The following C14orf132 variants were observed in gnomAD, a reference collection of about 807,000 sequenced individuals.
C14orf132 encodes the protein uncharacterized protein C14orf132.
Under a neutral mutation model 5.8 loss-of-function variants are expected in C14orf132, and 6 were observed. That is an observed-to-expected ratio of 1.03 (90% CI 0.57 to 2.04). The LOEUF is 2.04. Ranked by LOEUF, C14orf132 falls within the 30% of genes most tolerant of loss-of-function variation. The probability of loss-of-function intolerance (pLI) is 0.00; values close to 1 mark genes in which losing one functional copy is unlikely to be tolerated. For missense variants in C14orf132, 125 were observed against 115.8 expected (o/e 1.08, Z -0.37); for synonymous variants, 51 against 49.8 (o/e 1.02, Z -0.10).
intron 1 of C14orf132, among the ~76,000 whole-genome samples, chr14:96,077,429 G>T (rs921600515): frequency 6.6e-6 from 1 of 152,138 alleles, no homozygotes; most frequent in African/African-American, 2.4e-5. Flanking sequence ...TTAAAATGAG[G>T]TCACTAGGAT....
chr14:96,073,814 TA>T (rs893283200), intron 1 of C14orf132, among the ~76,000 whole-genome samples: 5 of 152,012 alleles, frequency 3.3e-5, no homozygotes, highest in African/African-American at 4.8e-5. Context: ...ATAGACTGGA[TA>T]AAAAAATGTG....
rs1378134146 is a variant in C14orf132, at chr14:96,091,631, C to G, written c.*4896C>G. On this transcript the variant is annotated 3_prime_UTR_variant, in exon 2 of 2. Coordinates refer to ENST00000555004, the MANE Select transcript of C14orf132 (RefSeq NM_001252507.3). ...TCCCCGAGCAAGTGCCAGGGTTGGG[C>G]TGAGCTGCTATGACAGGGAGGCCCA... is the stretch of plus-strand genomic sequence containing the variant. 6.5e-6 allele frequency: 1 copy of G among 154,440 alleles called. No individual in the cohort carries two copies. Among genetic ancestry groups the G allele is most frequent in the African/African-American group, 2.4e-5 (1 of 41,482 alleles). The allele number at this position is 154,440 out of a possible 1,614,324, so 9.6% of individuals were successfully genotyped here. A position where few individuals can be genotyped will look rare whatever the true frequency, so the allele number is the denominator to read the frequency against.
intron 1 of C14orf132, among the ~76,000 whole-genome samples, chr14:96,056,980 G>T (rs998037072): frequency 3.9e-5 from 6 of 152,184 alleles, no homozygotes; most frequent in Non-Finnish European, 7.3e-5. Flanking sequence ...TGGCCTCAAA[G>T]TATGCTCCAT....
intron 1 of C14orf132, among the ~76,000 whole-genome samples, chr14:96,054,689 T>A (rs908082961): frequency 6.6e-6 from 1 of 152,358 alleles, no homozygotes; most frequent in Middle Eastern, 3.4e-3. Context: ...ATCCCTTTTT[T>A]TGGGCTAAAT....
chr14:96,051,697 C>T (rs1440025580), intron 1 of C14orf132, among the ~76,000 whole-genome samples: 1 of 152,204 alleles, frequency 6.6e-6, no homozygotes, highest in Non-Finnish European at 1.5e-5. Context: ...TCTCTGACCT[C>T]CTGCCAATCC....
At chr14:96,056,881 A>G (rs894397413) in intron 1 of C14orf132, among the ~76,000 whole-genome samples, 1 of 152,168 alleles carries the variant, frequency 6.6e-6, no homozygotes, top group African/African-American at 2.4e-5. Flanking sequence ...GATGTATGGC[A>G]AAAACACTGG....
intron 1 of C14orf132, among the ~76,000 whole-genome samples, chr14:96,054,694 C>T (rs1371875720): frequency 6.6e-6 from 1 of 152,168 alleles, no homozygotes; most frequent in Non-Finnish European, 1.5e-5. Context: ...TTTTTTTGGG[C>T]TAAATGTAGC....
intron 1 of C14orf132, among the ~76,000 whole-genome samples, chr14:96,047,114 G>T (rs2139643833): frequency 6.6e-6 from 1 of 152,218 alleles, no homozygotes; most frequent in Non-Finnish European, 1.5e-5. Flanking sequence ...TTATCTTAGG[G>T]CTTGTCTGGT....
At chr14:96,057,874 C>G (rs760606992) in intron 1 of C14orf132, among the ~76,000 whole-genome samples, 1 of 152,166 alleles carries the variant, frequency 6.6e-6, no homozygotes, top group Non-Finnish European at 1.5e-5. Context: ...AATTCCTTCA[C>G]GTCTCTTGGT....
Position 96,070,610 on chromosome 14 carries a change from A to T in C14orf132, c.28-15901A>T, listed in dbSNP as rs1414662691. On this transcript the variant is annotated intron_variant, in intron 1 of 1. Coordinates refer to ENST00000555004, the MANE Select transcript of C14orf132 (RefSeq NM_001252507.3). ...CTCTCTCTCTCTCACACACACACACACACACACACACACACACACACACTG... is the reference window on the plus strand; with the variant it reads ...CTCTCTCTCTCTCACACACACACACTCACACACACACACACACACACACTG... 2.0e-5 allele frequency among the ~76,000 whole-genome samples: 3 copies of T among 151,028 alleles called. No homozygotes were observed. In the East Asian group the frequency reaches 5.8e-4, roughly 29 times the overall value.
At chr14:96,082,177 T>G (rs1888049276) in intron 1 of C14orf132, among the ~76,000 whole-genome samples, 1 of 152,222 alleles carries the variant, frequency 6.6e-6, no homozygotes, top group Admixed American at 6.5e-5. Flanking sequence ...TGAAGGCCAG[T>G]GGCCACCCTT....
At chr14:96,071,013 C>T (rs1359403714) in intron 1 of C14orf132, among the ~76,000 whole-genome samples, 1 of 152,088 alleles carries the variant, frequency 6.6e-6, no homozygotes, top group Non-Finnish European at 1.5e-5. Flanking sequence ...AAGCAACATC[C>T]AATGAGGTTT....
intron 1 of C14orf132, among the ~76,000 whole-genome samples, chr14:96,055,840 C>T (rs2139653146): frequency 6.6e-6 from 1 of 152,296 alleles, no homozygotes; most frequent in East Asian, 1.9e-4. Flanking sequence ...CCGACTTAGT[C>T]CTCTGGCTCC....
chr14:96,073,100 T>C (rs1287091308), intron 1 of C14orf132, among the ~76,000 whole-genome samples: 1 of 152,172 alleles, frequency 6.6e-6, no homozygotes, highest in African/African-American at 2.4e-5. Context: ...CACAGCAAGG[T>C]ACAAGAGTTC....
intron 1 of C14orf132, among the ~76,000 whole-genome samples, chr14:96,081,845 C>T (rs1311781472): frequency 2.0e-5 from 3 of 152,140 alleles, no homozygotes; most frequent in African/African-American, 7.2e-5. Context: ...AGCAATCCTC[C>T]CATCTTGGCC....
rs1350013163 is a variant in C14orf132, at chr14:96,090,918, T to C, written c.*4183T>C. On this transcript the variant is annotated 3_prime_UTR_variant, in exon 2 of 2. Coordinates refer to ENST00000555004, the MANE Select transcript of C14orf132 (RefSeq NM_001252507.3). Reference sequence around the variant, plus strand: ...ACTTTCCTTCTTCAGAAGCATCATCTGCCTTCATTATTAGCAGTAATATTA... The same window carrying C: ...ACTTTCCTTCTTCAGAAGCATCATCCGCCTTCATTATTAGCAGTAATATTA... 2.2e-6 allele frequency: 1 copy of C among 456,154 alleles called. No individual in the cohort carries two copies. The highest frequency in any genetic ancestry group is 2.0e-5 in the African/African-American group (1 of 50,222). The allele number at this position is 456,154 out of a possible 1,614,324, so 28.3% of individuals were successfully genotyped here. A position where few individuals can be genotyped will look rare whatever the true frequency, so the allele number is the denominator to read the frequency against.
At chr14:96,074,741 G>A (rs1887811731) in intron 1 of C14orf132, among the ~76,000 whole-genome samples, 1 of 152,036 alleles carries the variant, frequency 6.6e-6, no homozygotes, top group Non-Finnish European at 1.5e-5. Context: ...GCCATATTAT[G>A]TGCATCTCAT....
At chr14:96,072,754 G>A (rs1449316881) in intron 1 of C14orf132, among the ~76,000 whole-genome samples, 1 of 152,062 alleles carries the variant, frequency 6.6e-6, no homozygotes. Flanking sequence ...TTTCCACATA[G>A]CTTCATTCAG....
intron 1 of C14orf132, among the ~76,000 whole-genome samples, chr14:96,059,958 C>T (rs1318028495): frequency 1.3e-5 from 2 of 152,202 alleles, no homozygotes; most frequent in Non-Finnish European, 2.9e-5. Flanking sequence ...GTGCCCACAC[C>T]AGTCAGGCTG....
Sources: allele counts gnomAD v4.1 joint callset (sites outside exome capture counted in the v4.1 genomes callset), GRCh38; gene constraint gnomAD v4.1.1; transcripts MANE v1.5; gene names NCBI Gene and HGNC (gene_info 2026-07-23, HGNC 2026-07-21).